CELF2: variants seen among roughly 807,000 people sequenced by gnomAD.
The protein encoded by CELF2 is CUG triplet repeat RNA-binding protein 2.
Under a neutral mutation model 62.6 loss-of-function variants are expected in CELF2, and 8 were observed. The ratio of observed to expected loss-of-function variants is 0.13; its 90% CI spans 0.07 to 0.23. The LOEUF is 0.23. Ranked by LOEUF, CELF2 falls within the 10% of genes least tolerant of loss-of-function variation. The probability of loss-of-function intolerance (pLI) is 1.00; values close to 1 mark genes in which losing one functional copy is unlikely to be tolerated. For missense variants in CELF2, 333 were observed against 671.0 expected, an observed-to-expected ratio of 0.50 and a Z score of 5.56; for synonymous variants, 258 against 250.0, an observed-to-expected ratio of 1.03 and a Z score of -0.30.
chr10:11,257,356 A>AAAC (rs3064887), intron 4 of CELF2, among the ~76,000 whole-genome samples: 9 of 145,926 alleles, frequency 6.2e-5, no homozygotes, highest in Admixed American at 1.4e-4. Flanking sequence ...AAAAAAAAAA[A>AAAC]CAGAATAAAA....
chr10:10,808,327 G>T (rs1006093136), intron 1 of CELF2, among the ~76,000 whole-genome samples: 7 of 152,140 alleles, frequency 4.6e-5, no homozygotes, highest in African/African-American at 1.7e-4. Flanking sequence ...CCTGGGGAAG[G>T]TTAAACATTT....
chr10:10,932,103 C>A (rs1301817272), intron 2 of CELF2, among the ~76,000 whole-genome samples: 2 of 152,064 alleles, frequency 1.3e-5, no homozygotes. Flanking sequence ...ACATATCAGG[C>A]AGTATCATTA....
Position 11,290,089 on chromosome 10 carries a change from G to A in CELF2, c.976+1537G>A, listed in dbSNP as rs192097992. Among the ~76,000 whole-genome samples the A allele has an allele frequency of 8.9e-4, 135 of 152,172 alleles. No homozygotes were observed. The highest frequency in any genetic ancestry group is 3.0e-3 in the African/African-American group (126 of 41,510). On this transcript the variant is annotated intron_variant, in intron 9 of 12. Transcript: ENST00000633077. The surrounding 1 kb of genome is among the most constrained non-coding windows in gnomAD (Gnocchi z 4.3). Reference sequence around the variant, plus strand: ...GAAGCCAAATGCAGAAGCAGCTGTCGGCTGATTGGTGTAGCTAAGATAACT... The same window carrying A: ...GAAGCCAAATGCAGAAGCAGCTGTCAGCTGATTGGTGTAGCTAAGATAACT...
At chr10:11,189,518 T>C (rs934264616) in intron 2 of CELF2, among the ~76,000 whole-genome samples, 2 of 152,214 alleles carry the variant, frequency 1.3e-5, no homozygotes, top group Admixed American at 6.5e-5. Context: ...TGTTCTTCCC[T>C]TTTGCCTCTT....
the CELF2 span, among the ~76,000 whole-genome samples, chr10:10,694,707 G>A: frequency 6.6e-6 from 1 of 151,696 alleles, no homozygotes; most frequent in African/African-American, 2.4e-5. Context: ...TGTATTGGGT[G>A]CATATATATT....
the CELF2 span, among the ~76,000 whole-genome samples, chr10:10,536,105 C>T: frequency 2.0e-5 from 3 of 151,464 alleles, no homozygotes; most frequent in Admixed American, 6.6e-5. Context: ...TTGCAACCTC[C>T]GCCTCCCGAG....
chr10:10,618,955 A>G, the CELF2 span, among the ~76,000 whole-genome samples: 1 of 151,648 alleles, frequency 6.6e-6, no homozygotes, highest in Non-Finnish European at 1.5e-5. Context: ...TTTGCATAGC[A>G]TGTGAAGAAG....
chr10:11,216,684 A>G (rs977851702), intron 2 of CELF2, among the ~76,000 whole-genome samples: 2 of 152,214 alleles, frequency 1.3e-5, no homozygotes, highest in African/African-American at 4.8e-5. Context: ...AAAAGGATAT[A>G]TGCTGGCCTG....
intron 1 of CELF2, among the ~76,000 whole-genome samples, chr10:11,126,303 C>T (rs1218570745): frequency 6.6e-6 from 1 of 152,192 alleles, no homozygotes; most frequent in Non-Finnish European, 1.5e-5. Context: ...CCTTTTCTCT[C>T]ACATGTCTAC....
chr10:10,975,590 C>A (rs1389923636), intron 2 of CELF2, among the ~76,000 whole-genome samples: 3 of 152,202 alleles, frequency 2.0e-5, no homozygotes, highest in African/African-American at 7.2e-5. Flanking sequence ...GATCTTAGTA[C>A]TTGCATTTGT....
chr10:10,729,036 A>G, the CELF2 span, among the ~76,000 whole-genome samples: 1 of 152,326 alleles, frequency 6.6e-6, no homozygotes, highest in African/African-American at 2.4e-5. Context: ...TATGTGGGAG[A>G]GATGTAATTT....
the CELF2 span, among the ~76,000 whole-genome samples, chr10:10,590,129 C>T: frequency 3.3e-5 from 5 of 152,292 alleles, no homozygotes; most frequent in Non-Finnish European, 7.4e-5. Flanking sequence ...TAAGGTATGA[C>T]ATAGCAGGCA....
chr10:10,796,690 A>C (rs1343187787), upstream of CELF2, among the ~76,000 whole-genome samples: 1 of 152,230 alleles, frequency 6.6e-6, no homozygotes, highest in Admixed American at 6.5e-5. Flanking sequence ...TAAAGGGAAA[A>C]ACATTTCATT....
At chr10:11,089,370 G>A (rs928500224) in intron 1 of CELF2, among the ~76,000 whole-genome samples, 1 of 152,168 alleles carries the variant, frequency 6.6e-6, no homozygotes, top group African/African-American at 2.4e-5. Context: ...TGAAGATAGA[G>A]GACTTTACAC....
In CELF2 at chr10:11,156,263, G is replaced by A. The variant is rs189634684; in HGVS notation, c.75-9223G>A. On this transcript the variant is annotated intron_variant, in intron 1 of 12. Transcript: ENST00000633077. This position sits in a 1 kb window ranked among gnomAD's most constrained non-coding sequence, Gnocchi z 4.3. ...CGGATTTAATAGGACGGCACTGGAC[G>A]GGATAACATGGCTCTTAATAGTGGC... 2.1e-3 allele frequency among the ~76,000 whole-genome samples: 318 copies of A among 152,236 alleles called. 2 individuals carry two copies. The highest frequency in any genetic ancestry group is 6.8e-3 in the African/African-American group (284 of 41,532).
At chr10:10,486,024 A>T in the CELF2 span, among the ~76,000 whole-genome samples, 1 of 152,214 alleles carries the variant, frequency 6.6e-6, no homozygotes, top group Admixed American at 6.5e-5. Context: ...GCATCAGAGC[A>T]TGGAGTAGAA....
At chr10:11,274,024 G>A (rs2085009342) in intron 7 of CELF2, among the ~76,000 whole-genome samples, 1 of 128,892 alleles carries the variant, frequency 7.8e-6, no homozygotes, top group African/African-American at 2.9e-5. Flanking sequence ...GTGAGCCACT[G>A]CACCTGGCTC....
At position 11,324,948 on chromosome 10, in the gene CELF2, G is replaced by A. The variant is rs1019401919; in HGVS notation, c.1295-888G>A. ...CCATGCCTGGAACGCCCAAGAAACA[G>A]CCAGCCCTCATCTCCCTCAGCTCAT... On this transcript the variant is annotated intron_variant, in intron 11 of 12. Coordinates refer to ENST00000633077, the MANE Select transcript of CELF2 (RefSeq NM_001326342.2). The surrounding 1 kb of genome is among the most constrained non-coding windows in gnomAD (Gnocchi z 4.7). Among the ~76,000 whole-genome samples the A allele has an allele frequency of 7.9e-5, 12 of 152,166 alleles. No homozygotes were observed. Among genetic ancestry groups the A allele is most frequent in the African/African-American group, 2.7e-4 (11 of 41,432 alleles).
At position 11,297,870 on chromosome 10, in the gene CELF2, T is replaced by C. The variant is rs1325485861; in HGVS notation, c.976+9318T>C. Among the ~76,000 whole-genome samples, 1 of 151,942 alleles carries C rather than the reference T, an allele frequency of 6.6e-6. No individual in the cohort carries two copies. The highest frequency in any genetic ancestry group is 2.4e-5 in the African/African-American group (1 of 41,352). ...GTGGTGCACACCTGTGGTTCCCAGC[T>C]ACTCGGGAGGCTGAGGCAGGAAAAT... On this transcript the variant is annotated intron_variant, in intron 9 of 12. Coordinates refer to ENST00000633077, the MANE Select transcript of CELF2 (RefSeq NM_001326342.2). This position sits in a 1 kb window ranked among gnomAD's most constrained non-coding sequence, Gnocchi z 4.4.
Sources: gnomAD v4.1 joint callset for allele counts (sites outside exome capture counted in the v4.1 genomes callset) on GRCh38, gnomAD v4.1.1 for gene constraint, Gnocchi (gnomAD v3.1) non-coding constraint, MANE v1.5 for transcripts, NCBI Gene and HGNC (gene_info 2026-07-23, HGNC 2026-07-21) for gene names.